The following LHX1 variants were observed in gnomAD, a reference collection of about 807,000 sequenced individuals.
The protein encoded by LHX1 is LIM homeobox 1.
A neutral mutation model predicts 34.1 loss-of-function variants in LHX1; 9 were observed. That is an observed-to-expected ratio of 0.26 (90% CI 0.16 to 0.46). The LOEUF is 0.46. LHX1 is among the 20% of genes least tolerant of loss of function. LHX1 has a pLI of 1.00. For missense variants in LHX1, 446 were observed against 559.1 expected (o/e 0.80, Z 2.04); for synonymous variants, 254 against 241.5 (o/e 1.05, Z -0.48).
At position 36,942,343 on chromosome 17, in the gene LHX1, T is replaced by C. The variant is rs761356158; in HGVS notation, c.819T>C (p.Asn273=). The C allele has an allele frequency of 1.3e-4, 210 of 1,588,298 alleles. No individual in the cohort carries two copies. The highest frequency in any genetic ancestry group is 6.8e-4 in the Admixed American group (38 of 55,776). The change falls in exon 4 of 5, where the codon AAT becomes AAC. Residue 273 remains asparagine, a synonymous_variant. Transcript: ENST00000614239. ...DRLEPGELIP[N]GPFSFYGDYQ... ...TGGAGCCGGGCGAGCTCATCCCCAA[T>C]GGTCCCTTCTCCTTCTACGGAGGTG...
At chr17:36,939,126 G>T (rs1286869386) in intron 1 of LHX1, among the ~76,000 whole-genome samples, 2 of 152,188 alleles carry the variant, frequency 1.3e-5, no homozygotes, top group African/African-American at 4.8e-5. Context: ...ATGAAACCTG[G>T]GGGAAAGCCG....
At chr17:36,941,567 A>T in intron 3 of LHX1, 1 of 243,752 alleles carries the variant, frequency 4.1e-6, no homozygotes, top group South Asian at 4.9e-5. Flanking sequence ...CTGTGGGTGG[A>T]TGTACCTGCC....
In LHX1 at chr17:36,943,040, C is replaced by T. The variant is rs758398612; in HGVS notation, c.1130C>T (p.Pro377Leu). Residue 377 changes from proline to leucine, a missense_variant, in exon 5 of 5, where the codon CCG becomes CTG. This residue lies in a region of LHX1 where 235 missense variants were observed against 224.4 expected (regional missense o/e 1.05). Transcript: ENST00000614239. Reference protein sequence around the residue: ...SMSAEVFGPSPPFSSLSVNGG... With the variant: ...SMSAEVFGPSLPFSSLSVNGG... ...TCGGCCGAGGTCTTCGGACCCAGCC[C>T]GCCCTTCTCGTCGCTGTCGGTCAAC... is the stretch of plus-strand genomic sequence containing the variant. The T allele has an allele frequency of 3.7e-6, 6 of 1,606,272 alleles. No individual in the cohort carries two copies. Among genetic ancestry groups the T allele is most frequent in the East Asian group, 4.5e-5 (2 of 44,630 alleles).
rs1397129484 is a variant in LHX1 at position 36,937,915 on chromosome 17, ACTT to A, written c.-279_-277del. 4 of 595,904 alleles carry A rather than the reference ACTT, an allele frequency of 6.7e-6. No individual in the cohort carries two copies. The highest frequency in any genetic ancestry group is 1.9e-5 in the African/African-American group (1 of 53,460). The allele number at this position is 595,904 out of a possible 1,614,324, so 36.9% of individuals were successfully genotyped here. ...AGGGTCGCATTCTCTCCCGCCTGAG[ACTT>A]CTTTTCCTCGCCCCGGGAGCTCAGG... On this transcript the variant is annotated 5_prime_UTR_variant, in exon 1 of 5. Coordinates refer to ENST00000614239, the MANE Select transcript of LHX1 (RefSeq NM_005568.5).
In LHX1 at chr17:36,941,100, C is replaced by A. The variant is rs1351352593; in HGVS notation, c.675+213C>A. ...CTCTTCCCAGCCCAACAGAGGTGAT[C>A]GTGGCAGTGGAGGGGGAGGGACGGG... On this transcript the variant is annotated intron_variant, in intron 3 of 4. Coordinates refer to ENST00000614239, the MANE Select transcript of LHX1 (RefSeq NM_005568.5). The A allele has an allele frequency of 1.5e-5, 12 of 799,466 alleles. No individual in the cohort carries two copies. The Admixed American group carries it at 1.8e-4, about 12-fold the overall frequency. The allele number at this position is 799,466 out of a possible 1,614,324, so 49.5% of individuals were successfully genotyped here.
chr17:36,941,240 A>T, intron 3 of LHX1: 1 of 546,486 alleles, frequency 1.8e-6, no homozygotes, highest in South Asian at 1.7e-5. Flanking sequence ...GAGAAGTCTC[A>T]GTGTCCCCCA....
In LHX1 at chr17:36,941,971, G is replaced by A. The variant is rs999344806; in HGVS notation, c.676-229G>A. Among the ~76,000 whole-genome samples, 6 of 152,296 alleles carry A rather than the reference G, an allele frequency of 3.9e-5. No homozygotes were observed. The East Asian group carries it at 1.2e-3, about 30-fold the overall frequency. ...ACCACAACTCTCCCCCTCCAGACAC[G>A]GCGGCCTGTCCAGGTCCTCCTGTGG... On this transcript the variant is annotated intron_variant, in intron 3 of 4. Transcript: ENST00000614239.
Position 36,940,498 on chromosome 17 carries a change from G to C in LHX1, c.379G>C (p.Glu127Gln). The change falls in exon 2 of 5, where the codon GAG becomes CAG. Residue 127 changes from glutamate to glutamine, a missense_variant. Glu to Gln is a conservative substitution (Grantham distance 29). Around this residue, in one of 3 missense-constraint regions of LHX1, gnomAD observed 168 missense variants for 226.6 expected, o/e 0.74. Coordinates refer to ENST00000614239, the MANE Select transcript of LHX1 (RefSeq NM_005568.5). Reference sequence around the variant, plus strand: ...CCTAAGTAACAGCAGTGTTGCCAAAGAGAACAGCCTTCACTCGGGTGAGGC... The same window carrying C: ...CCTAAGTAACAGCAGTGTTGCCAAACAGAACAGCCTTCACTCGGGTGAGGC... ...DYLSNSSVAK[E>Q]NSLHSATTGS... 1 of 1,613,992 alleles carries C rather than the reference G, an allele frequency of 6.2e-7. No homozygotes were observed. The highest frequency in any genetic ancestry group is 2.2e-5 in the East Asian group (1 of 44,890).
chr17:36,942,621 G>C (rs1260794474), intron 4 of LHX1, 131 bp from the exon 5 acceptor site: 3 of 1,105,622 alleles, frequency 2.7e-6, no homozygotes, highest in African/African-American at 1.6e-5. Flanking sequence ...AGGCCCGCGA[G>C]GGCTCCCCGC....
chr17:36,943,315 G>A lies in LHX1; in HGVS notation c.*184G>A. 1.4e-6 allele frequency: 1 copy of A among 711,820 alleles called. No homozygotes were observed. The highest frequency in any genetic ancestry group is 2.2e-6 in the Non-Finnish European group (1 of 454,296). 44.1% of individuals were successfully genotyped at this position (711,820 alleles called of 1,614,324 possible). On this transcript the variant is annotated 3_prime_UTR_variant, in exon 5 of 5. Coordinates refer to ENST00000614239, the MANE Select transcript of LHX1 (RefSeq NM_005568.5). ...ACGAAATAGGATCCAAATCGGCCTC[G>A]AGGTGGGACTGGGATCCGCGCACTG...
intron 3 of LHX1, among the ~76,000 whole-genome samples, chr17:36,941,848 T>G (rs1262452218): frequency 6.6e-6 from 1 of 152,186 alleles, no homozygotes; most frequent in African/African-American, 2.4e-5. Flanking sequence ...ACGCGGTGTG[T>G]GTCTGACATT....
Position 36,938,252 on chromosome 17 carries a change from G to T in LHX1, c.55G>T (p.Val19Leu). 2 of 1,614,142 alleles carry T rather than the reference G, an allele frequency of 1.2e-6. No individual in the cohort carries two copies. Among genetic ancestry groups the T allele is most frequent in the African/African-American group, 1.3e-5 (1 of 75,050 alleles). The change falls in exon 1 of 5, where the codon GTG (valine) becomes TTG (leucine). Residue 19 changes from valine to leucine, a missense_variant. Around this residue, in one of 3 missense-constraint regions of LHX1, gnomAD observed 168 missense variants for 226.6 expected, o/e 0.74. Coordinates refer to ENST00000614239, the MANE Select transcript of LHX1 (RefSeq NM_005568.5). ...CATCCTGGACCGCTTTCTCTTGAAC[G>T]TGCTGGACAGGGCCTGGCACGTCAA... Reference protein sequence around the residue: ...RPILDRFLLNVLDRAWHVKCV... With the variant: ...RPILDRFLLNLLDRAWHVKCV...
At position 36,937,823 on chromosome 17, in the gene LHX1, T is replaced by A. The variant is rs1366719298; in HGVS notation, c.-375T>A. ...TCGTCGTCTTCTTCTTCTCCGTTTT[T>A]ATTTATTTATTTCCGTTCCCGCCGC... On this transcript the variant is annotated 5_prime_UTR_variant, in exon 1 of 5. Transcript: ENST00000614239. The A allele has an allele frequency of 2.0e-6, 1 of 509,408 alleles. No homozygotes were observed. 31.6% of individuals were successfully genotyped at this position (509,408 alleles called of 1,614,324 possible).
At chr17:36,938,622 C>T (rs1276476593) in intron 1 of LHX1, 29 of 591,042 alleles carry the variant, frequency 4.9e-5, no homozygotes, top group Middle Eastern at 4.5e-4. Flanking sequence ...GAGCCTGACT[C>T]GGCCCAGAAG....
At chr17:36,942,432 C>A in intron 4 of LHX1, 67 bp downstream of exon 4, 1 of 1,478,096 alleles carries the variant, frequency 6.8e-7, no homozygotes, top group Non-Finnish European at 9.2e-7. Flanking sequence ...CGGGTGGCAG[C>A]GCGGGGGGGC....
chr17:36,938,762 C>T (rs1056882265), intron 1 of LHX1: 5 of 369,594 alleles, frequency 1.4e-5, no homozygotes, highest in Non-Finnish European at 2.6e-5. Flanking sequence ...CAGGCAGAGC[C>T]CAGGCTCCCT....
chr17:36,939,661 C>A (rs973094142), intron 1 of LHX1, among the ~76,000 whole-genome samples: 13 of 152,238 alleles, frequency 8.5e-5, no homozygotes, highest in African/African-American at 3.1e-4. Context: ...GCGCCCAGAG[C>A]CAGCTCCCGC....
Position 36,938,225 on chromosome 17 carries a change from C to G in LHX1, c.28C>G (p.Pro10Ala), listed in dbSNP as rs1257329978. 1 of 1,614,038 alleles carries G rather than the reference C, an allele frequency of 6.2e-7. No homozygotes were observed. Among genetic ancestry groups the G allele is most frequent in the East Asian group, 2.2e-5 (1 of 44,878 alleles). The change falls in exon 1 of 5, where the codon CCC (proline) becomes GCC (alanine). Residue 10 changes from proline to alanine, a missense_variant. Physicochemically the swap from Pro to Ala is conservative, Grantham distance 27. This residue lies in a region of LHX1 where 168 missense variants were observed against 226.6 expected (regional missense o/e 0.74). Transcript: ENST00000614239. MVHCAGCKR[P>A]ILDRFLLNVL... is the part of the protein sequence containing the mutation. ...GGTTCACTGTGCCGGCTGCAAAAGG[C>G]CCATCCTGGACCGCTTTCTCTTGAA...
intron 3 of LHX1, 171 bp downstream of exon 3, chr17:36,941,058 C>G (rs903121839): frequency 6.8e-6 from 7 of 1,024,986 alleles, no homozygotes; most frequent in Non-Finnish European, 1.0e-5. Context: ...CTGATGCCTT[C>G]GAGCATCTAG....
Sources: gnomAD v4.1 joint callset for allele counts (sites outside exome capture counted in the v4.1 genomes callset) on GRCh38, gnomAD v4.1.1 for gene constraint, gnomAD v4.1.1 regional missense constraint, MANE v1.5 for transcripts, NCBI Gene and HGNC (gene_info 2026-07-23, HGNC 2026-07-21) for gene names.